SPOCK3: variants seen among roughly 807,000 people sequenced by gnomAD.
SPOCK3 encodes testican-3.
Under a neutral mutation model 56.6 loss-of-function variants are expected in SPOCK3, and 30 were observed. That is an observed-to-expected ratio of 0.53 (90% CI 0.40 to 0.72). The LOEUF is 0.72. Ranked by LOEUF, SPOCK3 falls within the 30% of genes least tolerant of loss-of-function variation. SPOCK3 has a pLI of 0.00. For missense variants in SPOCK3, 527 were observed against 530.0 expected, an observed-to-expected ratio of 0.99 and a Z score of 0.06; for synonymous variants, 196 against 183.3, an observed-to-expected ratio of 1.07 and a Z score of -0.56.
chr4:167,188,097 C>A (rs1284031045), intron 2 of SPOCK3, among the ~76,000 whole-genome samples: 1 of 118,786 alleles, frequency 8.4e-6, no homozygotes, highest in Admixed American at 9.4e-5. Flanking sequence ...CCACGATAAT[C>A]CAGATAGTGC....
intron 2 of SPOCK3, among the ~76,000 whole-genome samples, chr4:167,219,438 C>T (rs1580665483): frequency 1.3e-5 from 2 of 152,240 alleles, no homozygotes; most frequent in South Asian, 4.1e-4. Context: ...CTGTGATTAA[C>T]GGACTATCAA....
chr4:167,063,904 T>G (rs1755847005), intron 2 of SPOCK3, among the ~76,000 whole-genome samples: 2 of 151,898 alleles, frequency 1.3e-5, no homozygotes, highest in Non-Finnish European at 2.9e-5. Context: ...TCCAATCAAC[T>G]GTTGATGGGC....
chr4:166,735,017 TTCATCATCCTCA>T lies in SPOCK3; in HGVS notation c.1194_1205del (p.Asp398_Asp401del). ...CATCTTCATCATTCATAATATCGTC[TTCATCATCCTCA>T]TCATCAGTCCATTCATGAAAATCGC... On this transcript the variant is annotated inframe_deletion, in exon 11 of 11. Transcript: ENST00000357545. The T allele has an allele frequency of 6.4e-7, 1 of 1,574,738 alleles. No homozygotes were observed. Among genetic ancestry groups the T allele is most frequent in the South Asian group, 1.1e-5 (1 of 89,946 alleles).
chr4:167,181,739 T>C (rs1731473548), intron 2 of SPOCK3, among the ~76,000 whole-genome samples: 1 of 152,218 alleles, frequency 6.6e-6, no homozygotes. Flanking sequence ...CTACCTTTTG[T>C]TCCAAGCTAT....
intron 2 of SPOCK3, among the ~76,000 whole-genome samples, chr4:167,205,111 C>T (rs1580612880): frequency 8.0e-6 from 1 of 124,244 alleles, no homozygotes. Flanking sequence ...GGCATGAACA[C>T]TCCATGCCTG....
Position 166,735,255 on chromosome 4 carries a change from T to G in SPOCK3, c.1133-165A>C, listed in dbSNP as rs370645128. On this transcript the variant is annotated intron_variant, in intron 10 of 10. Transcript: ENST00000357545. ...ATCCATTTTCTGGAAAATTATCACA[T>G]GTTAAAAATCTATCATTTGTTAAAA... 2.2e-4 allele frequency among the ~76,000 whole-genome samples: 33 copies of G among 152,174 alleles called. 1 individual carries two copies. The East Asian group carries it at 4.6e-3, about 21-fold the overall frequency.
chr4:166,965,864 C>A (rs1167234645), intron 4 of SPOCK3, among the ~76,000 whole-genome samples: 2 of 152,034 alleles, frequency 1.3e-5, no homozygotes, highest in African/African-American at 4.8e-5. Context: ...CACACAAAAT[C>A]TATTGTTTAC....
At chr4:167,022,084 A>T (rs1751241042) in intron 3 of SPOCK3, among the ~76,000 whole-genome samples, 2 of 151,972 alleles carry the variant, frequency 1.3e-5, no homozygotes, top group South Asian at 4.1e-4. Flanking sequence ...GCACAGTGTG[A>T]TACCCGAACG....
intron 3 of SPOCK3, among the ~76,000 whole-genome samples, chr4:167,059,895 C>G (rs1286137103): frequency 1.3e-5 from 2 of 151,726 alleles, no homozygotes; most frequent in Admixed American, 6.6e-5. Flanking sequence ...AGTAAACTAT[C>G]GCAAGAACAA....
At chr4:166,938,955 C>A (rs1468819927) in intron 4 of SPOCK3, among the ~76,000 whole-genome samples, 2 of 148,328 alleles carry the variant, frequency 1.3e-5, no homozygotes, top group African/African-American at 2.5e-5. Context: ...CATACACACA[C>A]CACACACACA....
intron 6 of SPOCK3, among the ~76,000 whole-genome samples, chr4:166,803,393 C>CAAGTTGAATAGA (rs1742824906): frequency 2.0e-5 from 3 of 152,066 alleles, no homozygotes; most frequent in African/African-American, 7.2e-5. Context: ...ATAGATGAGT[C>CAAGTTGAATAGA]TCCGAGCAGG....
At chr4:167,180,648 G>C (rs928818872) in intron 2 of SPOCK3, among the ~76,000 whole-genome samples, 2 of 152,118 alleles carry the variant, frequency 1.3e-5, no homozygotes, top group Non-Finnish European at 2.9e-5. Flanking sequence ...TCAATAACCT[G>C]GTTGGTGGTT....
chr4:167,197,368 G>C (rs1733054382), intron 2 of SPOCK3, among the ~76,000 whole-genome samples: 1 of 151,976 alleles, frequency 6.6e-6, no homozygotes, highest in Non-Finnish European at 1.5e-5. Context: ...AAACAGACAA[G>C]TTAAACATCT....
At chr4:166,841,436 AAAGT>A (rs573649327) in intron 6 of SPOCK3, among the ~76,000 whole-genome samples, 1,692 of 152,318 alleles carry the variant, frequency 0.011, 14 homozygotes, top group Non-Finnish European at 0.018. Context: ...AAAATTTCTT[AAAGT>A]AAGAAAAAAA....
At chr4:166,739,058 A>G (rs1031710576) in intron 9 of SPOCK3, among the ~76,000 whole-genome samples, 2 of 151,918 alleles carry the variant, frequency 1.3e-5, no homozygotes, top group African/African-American at 2.4e-5. Context: ...GACTTCCACA[A>G]TGGTTGAACT....
At chr4:166,847,660 TATATATATATATATATATATAA>T (rs1748223103) in intron 6 of SPOCK3, among the ~76,000 whole-genome samples, 2 of 96,200 alleles carry the variant, frequency 2.1e-5, no homozygotes, top group African/African-American at 1.1e-4. Context: ...TATATATATA[TATATATATATATATATATATAA>T]GAATCATGTT....
At chr4:167,097,867 G>GAA (rs1167089580) in intron 2 of SPOCK3, among the ~76,000 whole-genome samples, 1 of 151,966 alleles carries the variant, frequency 6.6e-6, no homozygotes, top group Non-Finnish European at 1.5e-5. Context: ...TGCAGCCATA[G>GAA]AAAAGAATCA....
Position 167,019,992 on chromosome 4 carries a change from G to A in SPOCK3, c.236-19529C>T, listed in dbSNP as rs114680936. ...TTGGCATGGGTTGCTATGAGTGACT[G>A]GAGCACAAGCCCCCCTGAACTTGGA... On this transcript the variant is annotated intron_variant, in intron 3 of 10. Coordinates refer to ENST00000357545, the MANE Select transcript of SPOCK3 (RefSeq NM_001040159.2). 3.7e-3 allele frequency among the ~76,000 whole-genome samples: 563 copies of A among 152,194 alleles called. 4 individuals carry two copies. Among genetic ancestry groups the A allele is most frequent in the African/African-American group, 0.013 (542 of 41,540 alleles).
intron 6 of SPOCK3, among the ~76,000 whole-genome samples, chr4:166,880,172 C>T (rs1733539478): frequency 6.6e-6 from 1 of 152,156 alleles, no homozygotes; most frequent in Non-Finnish European, 1.5e-5. Context: ...TCCTGGTAGA[C>T]TGAGGTTGCT....
Sources: allele counts gnomAD v4.1 joint callset (sites outside exome capture counted in the v4.1 genomes callset), GRCh38; gene constraint gnomAD v4.1.1; transcripts MANE v1.5; gene names NCBI Gene and HGNC (gene_info 2026-07-23, HGNC 2026-07-21).